The following ZC3H14 variants were observed in gnomAD, a reference collection of about 807,000 sequenced individuals.
The protein encoded by ZC3H14 is zinc finger CCCH domain-containing protein 14.
In ZC3H14, 31 loss-of-function variants were observed where a neutral mutation model predicts 92.4. That is an observed-to-expected ratio of 0.34 (90% confidence interval 0.25 to 0.45). The LOEUF (loss-of-function observed/expected upper bound fraction) is 0.45. Ranked by LOEUF, ZC3H14 falls within the 20% of genes least tolerant of loss-of-function variation. The pLI is 1.00. For missense variants in ZC3H14, 781 were observed against 897.3 expected, an observed-to-expected ratio of 0.87 and a Z score of 1.66; for synonymous variants, 321 against 300.9, an observed-to-expected ratio of 1.07 and a Z score of -0.69.
intron 9 of ZC3H14, chr14:88,594,927 T>G: frequency 6.2e-7 from 1 of 1,614,014 alleles, no homozygotes; most frequent in East Asian, 2.2e-5. Context: ...AAGCAAATCT[T>G]TTTGATCTAA....
In ZC3H14 at chr14:88,612,963, G is replaced by C. The variant is rs978870843; in HGVS notation, c.*1212G>C. 1 of 144,468 alleles carries C rather than the reference G, an allele frequency of 6.9e-6. No homozygotes were observed. The highest frequency in any genetic ancestry group is 7.4e-5 in the Admixed American group (1 of 13,488). 8.9% of individuals were successfully genotyped at this position (144,468 alleles called of 1,614,324 possible). A position where few individuals can be genotyped will look rare whatever the true frequency, so the allele number is the denominator to read the frequency against. On this transcript the variant is annotated 3_prime_UTR_variant, in exon 17 of 17. Transcript: ENST00000251038. ...GTAATAAAGACTGCAACATTCTCAG[G>C]ACCAAATTAAACTGCTAAAAAAAAA...
In ZC3H14 at chr14:88,626,593, G is replaced by T; in HGVS notation, c.*14842G>T. On this transcript the variant is annotated 3_prime_UTR_variant, in exon 17 of 17. Coordinates refer to ENST00000251038, the MANE Select transcript of ZC3H14 (RefSeq NM_024824.5). ...AATCGCACCATTGCACCCCAGCCCAGGCGACAGAGTGAGATACTGTGTCAA... is the reference window on the plus strand; with the variant it reads ...AATCGCACCATTGCACCCCAGCCCATGCGACAGAGTGAGATACTGTGTCAA... The T allele has an allele frequency of 2.1e-6, 1 of 469,762 alleles. No individual in the cohort carries two copies. Among genetic ancestry groups the T allele is most frequent in the Non-Finnish European group, 3.9e-6 (1 of 258,734 alleles). 29.1% of individuals were successfully genotyped at this position (469,762 alleles called of 1,614,324 possible).
intron 9 of ZC3H14, among the ~76,000 whole-genome samples, chr14:88,581,142 A>G (rs1025410177): frequency 6.6e-6 from 1 of 152,212 alleles, no homozygotes; most frequent in African/African-American, 2.4e-5. Context: ...CTCACAGTGT[A>G]TTTTATATAT....
intron 4 of ZC3H14, 142 bp from the exon 5 acceptor site, chr14:88,571,888 A>G: frequency 3.7e-6 from 2 of 544,444 alleles, no homozygotes; most frequent in South Asian, 3.5e-5. Context: ...CGCTTGAACC[A>G]GGGATTTGGA....
In ZC3H14 at chr14:88,626,945, CAT is replaced by C. The variant is rs1448090324; in HGVS notation, c.*15195_*15196del. On this transcript the variant is annotated 3_prime_UTR_variant, in exon 17 of 17. Transcript: ENST00000251038. ...CTTCCTGCCAGGGTCCAGAACTTCACATGTTTTACTCCCACTGAGACAAACTG... is the reference window on the plus strand; with the variant it reads ...CTTCCTGCCAGGGTCCAGAACTTCACGTTTTACTCCCACTGAGACAAACTG... 8.7e-6 allele frequency: 14 copies of C among 1,613,848 alleles called. No individual in the cohort carries two copies. Among genetic ancestry groups the C allele is most frequent in the South Asian group, 1.1e-5 (1 of 91,076 alleles).
At chr14:88,596,473 C>A (rs914728013) in intron 9 of ZC3H14, among the ~76,000 whole-genome samples, 2 of 152,128 alleles carry the variant, frequency 1.3e-5, no homozygotes, top group East Asian at 3.9e-4. Context: ...CCGCAGAATT[C>A]AAATTCAGGA....
chr14:88,609,551 G>A, intron 14 of ZC3H14, 148 bp downstream of exon 14: 1 of 1,369,326 alleles, frequency 7.3e-7, no homozygotes, highest in Non-Finnish European at 1.0e-6. Flanking sequence ...GAGCAAGTGT[G>A]CCTATCTGTA....
Position 88,575,894 on chromosome 14 carries a change from ATCT to A in ZC3H14, c.1078_1080del (p.Ser360del). 6.2e-7 allele frequency: 1 copy of A among 1,614,006 alleles called. No individual in the cohort carries two copies. Among genetic ancestry groups the A allele is most frequent in the South Asian group, 1.1e-5 (1 of 91,076 alleles). On this transcript the variant is annotated inframe_deletion, in exon 8 of 17. Transcript: ENST00000251038. ...ACAAGAATCTGATTTTGAAGGCTAT[ATCT>A]GAAGCTCAAGAATCCGTAACAAAAA... is the stretch of plus-strand genomic sequence containing the variant.
At chr14:88,570,485 C>T (rs1336155123) in intron 3 of ZC3H14, among the ~76,000 whole-genome samples, 3 of 152,102 alleles carry the variant, frequency 2.0e-5, no homozygotes, top group Non-Finnish European at 4.4e-5. Context: ...CTTGTTTTAA[C>T]CTCTCAGAAT....
Position 88,621,164 on chromosome 14 carries a change from G to GA in ZC3H14, c.*9419dup. ...CTGTCCCATCTTCTGCAGCAGAAAG[G>GA]AAAAAATCCCTGGAAGGATGTGTTG... is the stretch of plus-strand genomic sequence containing the variant. On this transcript the variant is annotated 3_prime_UTR_variant, in exon 17 of 17. Transcript: ENST00000251038. 1 of 1,613,828 alleles carries GA rather than the reference G, an allele frequency of 6.2e-7. No homozygotes were observed. The highest frequency in any genetic ancestry group is 2.2e-5 in the East Asian group (1 of 44,862).
chr14:88,595,073 A>G (rs1240717109), intron 9 of ZC3H14: 2 of 1,612,956 alleles, frequency 1.2e-6, no homozygotes, highest in South Asian at 1.1e-5. Flanking sequence ...AGAACTACTG[A>G]TGTAAAAATA....
In ZC3H14 at chr14:88,615,648, T is replaced by C. The variant is rs1003264494; in HGVS notation, c.*3897T>C. ...TGGATTACGGATTATACCCAGTGCATATAGCAAATATTTTGAACAGATCAG... is the reference window on the plus strand; with the variant it reads ...TGGATTACGGATTATACCCAGTGCACATAGCAAATATTTTGAACAGATCAG... On this transcript the variant is annotated 3_prime_UTR_variant, in exon 17 of 17. Coordinates refer to ENST00000251038, the MANE Select transcript of ZC3H14 (RefSeq NM_024824.5). The C allele has an allele frequency of 6.6e-6, 4 of 609,318 alleles. No homozygotes were observed. In the Admixed American group the frequency reaches 1.3e-4, roughly 20 times the overall value. 37.7% of individuals were successfully genotyped at this position (609,318 alleles called of 1,614,324 possible).
At chr14:88,580,283 C>T (rs1353996320) in intron 9 of ZC3H14, among the ~76,000 whole-genome samples, 1 of 151,954 alleles carries the variant, frequency 6.6e-6, no homozygotes, top group African/African-American at 2.4e-5. Context: ...CTAGTTTGGG[C>T]GATAGAGTGA....
rs1244760754 is a variant in ZC3H14 at position 88,615,633 on chromosome 14, A to G, written c.*3882A>G. ...TTATCTGGCAGTGTATGGATTACGG[A>G]TTATACCCAGTGCATATAGCAAATA... is the stretch of plus-strand genomic sequence containing the variant. On this transcript the variant is annotated 3_prime_UTR_variant, in exon 17 of 17. Transcript: ENST00000251038. 1 of 583,232 alleles carries G rather than the reference A, an allele frequency of 1.7e-6. No homozygotes were observed. Among genetic ancestry groups the G allele is most frequent in the Non-Finnish European group, 3.0e-6 (1 of 334,678 alleles). 36.1% of individuals were successfully genotyped at this position (583,232 alleles called of 1,614,324 possible).
chr14:88,600,555 C>T (rs911259932), intron 10 of ZC3H14, among the ~76,000 whole-genome samples: 6 of 152,072 alleles, frequency 3.9e-5, no homozygotes, highest in Non-Finnish European at 8.8e-5. Context: ...ACTTCTCCCA[C>T]CTCAGCCTCC....
At chr14:88,594,476 G>A (rs1180485474) in intron 9 of ZC3H14, 1 of 1,318,950 alleles carries the variant, frequency 7.6e-7, no homozygotes, top group African/African-American at 1.5e-5. Flanking sequence ...CTTAGTTGTA[G>A]CGAAGAGCAA....
intron 9 of ZC3H14, chr14:88,592,131 G>C (rs956352020): frequency 6.6e-6 from 1 of 152,170 alleles, no homozygotes; most frequent in Non-Finnish European, 1.5e-5. Context: ...CATCAGATGG[G>C]CTCTTGTTTC....
At position 88,621,309 on chromosome 14, in the gene ZC3H14, AC is replaced by A. The variant is rs752164769; in HGVS notation, c.*9559del. The A allele has an allele frequency of 6.2e-7, 1 of 1,613,840 alleles. No individual in the cohort carries two copies. Among genetic ancestry groups the A allele is most frequent in the East Asian group, 2.2e-5 (1 of 44,860 alleles). ...CCCAACAAGGATCTTGCCCTGAAAC[AC>A]AAGCAGGACCAATACAGTGAATGTA... On this transcript the variant is annotated 3_prime_UTR_variant, in exon 17 of 17. Transcript: ENST00000251038.
chr14:88,580,336 C>T (rs1046680675), intron 9 of ZC3H14, among the ~76,000 whole-genome samples: 3 of 152,104 alleles, frequency 2.0e-5, no homozygotes, highest in African/African-American at 2.4e-5. Context: ...AGAAAGAACT[C>T]GAAAGAATTA....
Sources: allele counts gnomAD v4.1 joint callset (sites outside exome capture counted in the v4.1 genomes callset), GRCh38; gene constraint gnomAD v4.1.1; transcripts MANE v1.5; gene names NCBI Gene and HGNC (gene_info 2026-07-23, HGNC 2026-07-21).